PXN: variants seen among roughly 807,000 people sequenced by gnomAD.
The protein encoded by PXN is paxillin, also known as testicular tissue protein Li 134.
PXN carries 61 observed loss-of-function variants against 103.6 expected under a neutral mutation model. That is an observed-to-expected ratio of 0.59 (90% CI 0.48 to 0.73). The LOEUF is 0.73. Ranked by LOEUF, PXN falls within the 30% of genes least tolerant of loss-of-function variation. The probability of loss-of-function intolerance (pLI) is 0.00; values close to 1 mark genes in which losing one functional copy is unlikely to be tolerated. For synonymous variants in PXN, 562 were observed against 607.8 expected (o/e 0.92, Z 1.11); for missense variants, 1,274 against 1,460.3 (o/e 0.87, Z 2.08).
In PXN at chr12:120,221,906, A is replaced by G. The variant is rs762875725; in HGVS notation, c.696-148T>C. ...AGCTCCCTGTCTCTCCTGGGGACCCATCACTGGGTCAGAAGAAAGGGCAGT... is the reference window on the plus strand; with the variant it reads ...AGCTCCCTGTCTCTCCTGGGGACCCGTCACTGGGTCAGAAGAAAGGGCAGT... On this transcript the variant is annotated intron_variant, in intron 5 of 14. Transcript: ENST00000637617. The surrounding 1 kb of genome is among the most constrained non-coding windows in gnomAD (Gnocchi z 6.6). 25 of 1,241,108 alleles carry G rather than the reference A, an allele frequency of 2.0e-5. No individual in the cohort carries two copies. Among genetic ancestry groups the G allele is most frequent in the Admixed American group, 1.4e-4 (5 of 36,520 alleles). The allele number at this position is 1,241,108 out of a possible 1,614,324, so 76.9% of individuals were successfully genotyped here.
intron 7 of PXN, among the ~76,000 whole-genome samples, chr12:120,218,064 G>A (rs1479740094): frequency 4.0e-5 from 2 of 50,598 alleles, no homozygotes; most frequent in East Asian, 1.1e-3. Flanking sequence ...TTTTTTTTTT[G>A]AGACAGTGTC....
At chr12:120,238,362 A>T (rs1889507156) in intron 1 of PXN, among the ~76,000 whole-genome samples, 1 of 152,146 alleles carries the variant, frequency 6.6e-6, no homozygotes, top group African/African-American at 2.4e-5. Flanking sequence ...CTCATGGGTA[A>T]ACTGAACGGA....
At chr12:120,251,107 A>T (rs1008923455) in intron 1 of PXN, among the ~76,000 whole-genome samples, 4 of 152,194 alleles carry the variant, frequency 2.6e-5, no homozygotes, top group African/African-American at 9.7e-5. Context: ...CGGGAGGCTG[A>T]GGCAGGAGAA....
rs188297788 is a variant in PXN, at chr12:120,222,754, G to C, written c.494-4C>G. On this transcript the variant is annotated splice_polypyrimidine_tract_variant and splice_region_variant and intron_variant, in intron 4 of 14. Coordinates refer to ENST00000637617, the MANE Select transcript of PXN (RefSeq NM_001385981.1). The surrounding 1 kb of genome is among the most constrained non-coding windows in gnomAD (Gnocchi z 4.7). Reference sequence around the variant, plus strand: ...GGGGGGCTTGAGTTGGCCTCATCTTGCAGAGAGGAGAGAAAAAGGCTGCTC... The same window carrying C: ...GGGGGGCTTGAGTTGGCCTCATCTTCCAGAGAGGAGAGAAAAAGGCTGCTC... The C allele has an allele frequency of 1.5e-3, 2,458 of 1,603,148 alleles. 2 individuals carry two copies. Among genetic ancestry groups the C allele is most frequent in the Non-Finnish European group, 1.9e-3 (2,263 of 1,174,712 alleles).
rs1440012592 is a variant in PXN, at chr12:120,254,171, G to A, written c.13+11446C>T. ...TGGGATTACAGGCGTGAGCCACCAC[G>A]TCCAGTCCAATATATATATTTATAT... On this transcript the variant is annotated intron_variant, in intron 1 of 14. Transcript: ENST00000637617. Among the ~76,000 whole-genome samples, 7 of 152,094 alleles carry A rather than the reference G, an allele frequency of 4.6e-5. No individual in the cohort carries two copies. The East Asian group carries it at 9.6e-4, about 21-fold the overall frequency.
Position 120,220,464 on chromosome 12 carries a change from A to G in PXN, c.832-373T>C, listed in dbSNP as rs573783144. Among the ~76,000 whole-genome samples, 1 of 152,292 alleles carries G rather than the reference A, an allele frequency of 6.6e-6. No homozygotes were observed. Among genetic ancestry groups the G allele is most frequent in the East Asian group, 1.9e-4 (1 of 5,176 alleles). Reference sequence around the variant, plus strand: ...AGGGGCTGCTGAACCCGCCTCGGACACTGGCCCAACTCGGCCATGTCCCTC... The same window carrying G: ...AGGGGCTGCTGAACCCGCCTCGGACGCTGGCCCAACTCGGCCATGTCCCTC... On this transcript the variant is annotated intron_variant, in intron 6 of 14. Coordinates refer to ENST00000637617, the MANE Select transcript of PXN (RefSeq NM_001385981.1). The surrounding 1 kb of genome is among the most constrained non-coding windows in gnomAD (Gnocchi z 6.1).
rs545930083 is a variant in PXN at position 120,216,108 on chromosome 12, G to A, written c.2301+165C>T. ...CGGACCTTCTGAGTGGGGGAAGACCGGGGTCAAGGTTTACGGCAGGACTGT... is the reference window on the plus strand; with the variant it reads ...CGGACCTTCTGAGTGGGGGAAGACCAGGGTCAAGGTTTACGGCAGGACTGT... On this transcript the variant is annotated intron_variant, in intron 9 of 14. Coordinates refer to ENST00000637617, the MANE Select transcript of PXN (RefSeq NM_001385981.1). The surrounding 1 kb of genome is among the most constrained non-coding windows in gnomAD (Gnocchi z 5.1). 19 of 1,289,468 alleles carry A rather than the reference G, an allele frequency of 1.5e-5. No homozygotes were observed. The highest frequency in any genetic ancestry group is 5.7e-5 in the South Asian group (2 of 34,800). 79.9% of individuals were successfully genotyped at this position (1,289,468 alleles called of 1,614,324 possible).
In PXN at chr12:120,216,048, G is replaced by C. The variant is rs754647103; in HGVS notation, c.2301+225C>G. ...CTGAGGACCAGTCGAGGAAGGAGCA[G>C]ACATGGGTGGACCCACAGAAAAGCA... On this transcript the variant is annotated intron_variant, in intron 9 of 14. Transcript: ENST00000637617. The surrounding 1 kb of genome is among the most constrained non-coding windows in gnomAD (Gnocchi z 5.1). The C allele has an allele frequency of 7.6e-7, 1 of 1,322,816 alleles. No homozygotes were observed. The highest frequency in any genetic ancestry group is 2.4e-5 in the South Asian group (1 of 41,578). The allele number at this position is 1,322,816 out of a possible 1,614,324, so 81.9% of individuals were successfully genotyped here. A position where few individuals can be genotyped will look rare whatever the true frequency, so the allele number is the denominator to read the frequency against.
rs1880595856 is a variant in PXN at position 120,212,644 on chromosome 12, G to A, written c.2980-64C>T. 2 of 1,558,916 alleles carry A rather than the reference G, an allele frequency of 1.3e-6. No homozygotes were observed. Among genetic ancestry groups the A allele is most frequent in the Non-Finnish European group, 1.7e-6 (2 of 1,151,138 alleles). On this transcript the variant is annotated intron_variant, in intron 14 of 14. Coordinates refer to ENST00000637617, the MANE Select transcript of PXN (RefSeq NM_001385981.1). The surrounding 1 kb of genome is among the most constrained non-coding windows in gnomAD (Gnocchi z 7.2). ...GGGCTAGAGCTGCACCCTGTGTGAT[G>A]GGGCCGAGGTGGGCATAGTCGGCAC...
Position 120,224,965 on chromosome 12 carries a change from G to A in PXN, c.14-588C>T, listed in dbSNP as rs760026737. On this transcript the variant is annotated intron_variant, in intron 1 of 14. Coordinates refer to ENST00000637617, the MANE Select transcript of PXN (RefSeq NM_001385981.1). The surrounding 1 kb of genome is among the most constrained non-coding windows in gnomAD (Gnocchi z 5.0). ...GGTGTGCGGGGAGGTGGGGGCTGGA[G>A]TGAGGCTGGTGCAGCGGTCCCCACC... is the stretch of plus-strand genomic sequence containing the variant. The A allele has an allele frequency of 5.5e-5, 19 of 346,620 alleles. No homozygotes were observed. Among genetic ancestry groups the A allele is most frequent in the Non-Finnish European group, 1.1e-4 (19 of 173,774 alleles). The allele number at this position is 346,620 out of a possible 1,614,324, so 21.5% of individuals were successfully genotyped here. A position where few individuals can be genotyped will look rare whatever the true frequency, so the allele number is the denominator to read the frequency against.
At chr12:120,246,514 C>CAAAAAAAA (rs139689226) in intron 1 of PXN, among the ~76,000 whole-genome samples, 2 of 58,234 alleles carry the variant, frequency 3.4e-5, no homozygotes, top group African/African-American at 6.2e-5. Flanking sequence ...GACTCTGTCT[C>CAAAAAAAA]AAAAAAAAAA....
chr12:120,258,515 C>T (rs931476149), intron 1 of PXN, among the ~76,000 whole-genome samples: 4 of 152,160 alleles, frequency 2.6e-5, no homozygotes, highest in South Asian at 2.1e-4. Flanking sequence ...AGCAGTCATT[C>T]AGGCCAACCA....
At chr12:120,264,484 G>T (rs547835306) in intron 1 of PXN, among the ~76,000 whole-genome samples, 132 of 152,284 alleles carry the variant, frequency 8.7e-4, no homozygotes, top group African/African-American at 3.1e-3. Flanking sequence ...TCCCACTCCT[G>T]CGTTCACGCC....
chr12:120,254,654 G>A (rs1295627709), intron 1 of PXN, among the ~76,000 whole-genome samples: 1 of 152,010 alleles, frequency 6.6e-6, no homozygotes, highest in Non-Finnish European at 1.5e-5. Flanking sequence ...AGGTTCAAGA[G>A]ATTCTCCTGC....
At chr12:120,237,646 G>A (rs2524389) in intron 1 of PXN, among the ~76,000 whole-genome samples, 3,430 of 152,220 alleles carry the variant, frequency 0.023, 148 homozygotes, top group African/African-American at 0.077. Flanking sequence ...TGCCCCCAGA[G>A]TGCTCCCCGA....
rs1341377406 is a variant in PXN at position 120,219,487 on chromosome 12, C to T, written c.1436G>A (p.Trp479Ter). The T allele has an allele frequency of 6.3e-7, 1 of 1,597,862 alleles. No individual in the cohort carries two copies. Among genetic ancestry groups the T allele is most frequent in the Non-Finnish European group, 8.5e-7 (1 of 1,179,638 alleles). ...VDRQAIFPDT[W>*]TLTEEHGLQQ... is the part of the protein sequence containing the mutation. ...TAGGCCATGTTCCTCCGTGAGAGTC[C>T]AGGTATCTGGGAAGATGGCCTGCCG... The change falls in exon 7 of 15, where the codon TGG becomes TAG. Residue 479 changes from tryptophan (W) to a stop codon, truncating the protein, a stop_gained. Transcript: ENST00000637617. LOFTEE classifies it high-confidence loss of function. The surrounding 1 kb of genome is among the most constrained non-coding windows in gnomAD (Gnocchi z 6.5).
intron 1 of PXN, among the ~76,000 whole-genome samples, chr12:120,263,581 G>C (rs950024634): frequency 1.3e-5 from 2 of 152,242 alleles, no homozygotes; most frequent in African/African-American, 2.4e-5. Context: ...TTGGGCAAGA[G>C]AATCAGCCTC....
intron 1 of PXN, among the ~76,000 whole-genome samples, chr12:120,264,004 T>C (rs1315436435): frequency 1.3e-5 from 2 of 151,900 alleles, no homozygotes; most frequent in East Asian, 3.9e-4. Context: ...CCAGCCTCCT[T>C]CCAGCTGAGC....
chr12:120,250,366 C>T (rs1299774424), intron 1 of PXN, among the ~76,000 whole-genome samples: 1 of 152,210 alleles, frequency 6.6e-6, no homozygotes, highest in Non-Finnish European at 1.5e-5. Flanking sequence ...CATGACACAG[C>T]TGTGTCCACT....
Sources: allele counts gnomAD v4.1 joint callset (sites outside exome capture counted in the v4.1 genomes callset), GRCh38; gene constraint gnomAD v4.1.1; non-coding constraint Gnocchi (gnomAD v3.1); transcripts MANE v1.5; gene names NCBI Gene and HGNC (gene_info 2026-07-23, HGNC 2026-07-21).